Variants in PCDH9 observed in about 807,000 individuals in gnomAD.
PCDH9 encodes the protein protocadherin 9, also known as protocadherin-9.
PCDH9 carries 24 observed loss-of-function variants against 70.6 expected under a neutral mutation model. That is an observed-to-expected ratio of 0.34 (90% CI 0.25 to 0.48). PCDH9 has a LOEUF of 0.48. PCDH9 is among the 20% of genes least tolerant of loss of function. PCDH9 has a pLI of 0.99. For synonymous variants in PCDH9, 562 were observed against 558.5 expected (o/e 1.01, Z -0.09); for missense variants, 1,281 against 1,503.6 (o/e 0.85, Z 2.45).
At chr13:66,375,792 TA>T (rs2138228355) in intron 4 of PCDH9, among the ~76,000 whole-genome samples, 1 of 152,196 alleles carries the variant, frequency 6.6e-6, no homozygotes, top group South Asian at 2.1e-4. Context: ...CAAGAGGATA[TA>T]TTCCCCCTCA....
At chr13:66,395,935 T>C (rs187948479) in intron 4 of PCDH9, among the ~76,000 whole-genome samples, 54 of 152,324 alleles carry the variant, frequency 3.5e-4, no homozygotes, top group African/African-American at 1.3e-3. Context: ...CCTTCTAGTA[T>C]AGTTTACCTG....
intron 4 of PCDH9, among the ~76,000 whole-genome samples, chr13:66,408,195 A>C (rs1593929191): frequency 6.6e-6 from 1 of 151,904 alleles, no homozygotes; most frequent in Non-Finnish European, 1.5e-5. Flanking sequence ...AGTAGCTGGG[A>C]CTACAGGCGC....
chr13:67,026,908 TAA>T (rs915973079), intron 2 of PCDH9, among the ~76,000 whole-genome samples: 47 of 151,932 alleles, frequency 3.1e-4, no homozygotes, highest in African/African-American at 1.1e-3. Flanking sequence ...ATCAATGAAA[TAA>T]AAGAGGAAAC....
chr13:66,627,202 C>T (rs758604312), intron 4 of PCDH9, among the ~76,000 whole-genome samples: 2 of 152,008 alleles, frequency 1.3e-5, no homozygotes, highest in Non-Finnish European at 1.5e-5. Context: ...TTCTACAGAT[C>T]ATACTGACAT....
At chr13:66,794,934 A>G (rs1040871419) in intron 3 of PCDH9, among the ~76,000 whole-genome samples, 1 of 151,014 alleles carries the variant, frequency 6.6e-6, no homozygotes, top group African/African-American at 2.4e-5. Context: ...GTCACTAATC[A>G]GACAGTTTCG....
intron 4 of PCDH9, among the ~76,000 whole-genome samples, chr13:66,629,421 A>G (rs2077541298): frequency 6.6e-6 from 1 of 152,216 alleles, no homozygotes; most frequent in African/African-American, 2.4e-5. Flanking sequence ...GAGACTAGGA[A>G]AACAGTTTTG....
chr13:66,491,198 T>C (rs1382975276), intron 4 of PCDH9, among the ~76,000 whole-genome samples: 1 of 152,146 alleles, frequency 6.6e-6, no homozygotes, highest in Non-Finnish European at 1.5e-5. Context: ...GATATATGGA[T>C]TGTGTTTGAT....
intron 3 of PCDH9, among the ~76,000 whole-genome samples, chr13:66,670,912 T>TAA (rs35287889): frequency 3.6e-4 from 43 of 120,210 alleles, no homozygotes; most frequent in African/African-American, 8.5e-4. Context: ...TGTTCTTATT[T>TAA]AAAAAAAAAA....
At chr13:66,588,519 T>TACAC (rs1456956217) in intron 4 of PCDH9, among the ~76,000 whole-genome samples, 1 of 151,376 alleles carries the variant, frequency 6.6e-6, no homozygotes, top group African/African-American at 2.4e-5. Context: ...TGTATGTATA[T>TACAC]ACACACACAC....
chr13:66,783,345 T>C (rs1025785154), intron 3 of PCDH9, among the ~76,000 whole-genome samples: 6 of 150,032 alleles, frequency 4.0e-5, no homozygotes, highest in Non-Finnish European at 7.4e-5. Flanking sequence ...AGCTCAAAAG[T>C]GACTGGCTAG....
At chr13:67,164,110 T>C (rs1288422996) in intron 2 of PCDH9, among the ~76,000 whole-genome samples, 3 of 152,236 alleles carry the variant, frequency 2.0e-5, no homozygotes, top group African/African-American at 7.2e-5. Context: ...CACCTTCACA[T>C]AATGCAATCA....
intron 2 of PCDH9, among the ~76,000 whole-genome samples, chr13:67,030,030 G>C (rs1047203102): frequency 4.6e-5 from 7 of 152,080 alleles, no homozygotes; most frequent in African/African-American, 1.7e-4. Flanking sequence ...CATCTTGCAG[G>C]AGTAGATGAA....
intron 3 of PCDH9, among the ~76,000 whole-genome samples, chr13:66,798,018 G>T (rs1294312553): frequency 6.6e-6 from 1 of 151,518 alleles, no homozygotes; most frequent in African/African-American, 2.4e-5. Flanking sequence ...AGAAAAAATA[G>T]GGAAAGGAGG....
intron 4 of PCDH9, among the ~76,000 whole-genome samples, chr13:66,422,962 A>G (rs755377412): frequency 2.0e-5 from 3 of 152,148 alleles, no homozygotes; most frequent in Admixed American, 6.5e-5. Flanking sequence ...ACAATAAAAC[A>G]TAATAAAGGG....
At chr13:66,910,053 T>A (rs943905554) in intron 2 of PCDH9, among the ~76,000 whole-genome samples, 2 of 152,170 alleles carry the variant, frequency 1.3e-5, no homozygotes, top group African/African-American at 4.8e-5. Flanking sequence ...ACAATTCCCA[T>A]TCCAGATCTT....
intron 4 of PCDH9, among the ~76,000 whole-genome samples, chr13:66,475,733 A>G (rs1958713381): frequency 6.6e-6 from 1 of 152,094 alleles, no homozygotes; most frequent in Non-Finnish European, 1.5e-5. Context: ...TAGCTCACCA[A>G]TAAAGCCACA....
intron 2 of PCDH9, among the ~76,000 whole-genome samples, chr13:67,126,959 A>G (rs1157976296): frequency 6.6e-6 from 1 of 152,190 alleles, no homozygotes; most frequent in Non-Finnish European, 1.5e-5. Flanking sequence ...ATTTTAGCCT[A>G]TAATATTTCA....
chr13:67,213,206 C>CAAAACAAAA (rs2089507843), intron 2 of PCDH9: 1 of 20,538 alleles, frequency 4.9e-5, no homozygotes. Context: ...GACTCCGTCA[C>CAAAACAAAA]AAAAAAAAAA....
At chr13:66,725,796 G>A (rs2078998328) in intron 3 of PCDH9, among the ~76,000 whole-genome samples, 1 of 152,106 alleles carries the variant, frequency 6.6e-6, no homozygotes, top group Non-Finnish European at 1.5e-5. Flanking sequence ...ACAAATAGAG[G>A]GGGAACAGAA....
Sources: allele counts gnomAD v4.1 joint callset (sites outside exome capture counted in the v4.1 genomes callset), GRCh38; gene constraint gnomAD v4.1.1; transcripts MANE v1.5; gene names NCBI Gene and HGNC (gene_info 2026-07-23, HGNC 2026-07-21).